The following LIPC variants were observed in gnomAD, a reference collection of about 807,000 sequenced individuals.
The protein encoded by LIPC is hepatic triacylglycerol lipase.
LIPC carries 44 observed loss-of-function variants against 50.7 expected under a neutral mutation model. That is an observed-to-expected ratio of 0.87 (90% CI 0.68 to 1.11). The LOEUF is 1.11. LIPC is among the 50% of genes most tolerant of loss of function. The pLI is 0.00. For synonymous variants in LIPC, 271 were observed against 256.4 expected (o/e 1.06, Z -0.54); for missense variants, 697 against 648.2 (o/e 1.08, Z -0.82).
Position 58,548,540 on chromosome 15 carries a change from T to A in LIPC, c.1019T>A (p.Phe340Tyr), listed in dbSNP as rs147595392. The A allele has an allele frequency of 6.9e-6, 11 of 1,596,222 alleles. No homozygotes were observed. Among genetic ancestry groups the A allele is most frequent in the Non-Finnish European group, 9.4e-6 (11 of 1,171,494 alleles). The change falls in exon 6 of 9, where the codon TTC becomes TAC. Residue 340 changes from phenylalanine to tyrosine, a missense_variant. Phe to Tyr is a conservative substitution (Grantham distance 22, BLOSUM62 3). Coordinates refer to ENST00000299022, the MANE Select transcript of LIPC (RefSeq NM_000236.3). Reference sequence around the variant, plus strand: ...CCGCGGAGCAAGAGCAAGAGGCTCTTCCTCGTAACGCGAGCCCAGTCCCCC... The same window carrying A: ...CCGCGGAGCAAGAGCAAGAGGCTCTACCTCGTAACGCGAGCCCAGTCCCCC... ...QEPRSKSKRL[F>Y]LVTRAQSPFK...
At chr15:58,471,479 T>C (rs17190580) in intron 1 of LIPC, among the ~76,000 whole-genome samples, 17,291 of 152,158 alleles carry the variant, frequency 0.11, 1,204 homozygotes, top group Non-Finnish European at 0.17. Context: ...GTGAGGATTC[T>C]ATTCCATCAG....
At chr15:58,506,166 C>G (rs1244251053) in intron 1 of LIPC, among the ~76,000 whole-genome samples, 2 of 152,198 alleles carry the variant, frequency 1.3e-5, no homozygotes, top group Admixed American at 6.5e-5. Flanking sequence ...GGGCTCCTTT[C>G]CCAGTACCGT....
At chr15:58,470,904 A>T (rs1894769384) in intron 1 of LIPC, among the ~76,000 whole-genome samples, 1 of 151,996 alleles carries the variant, frequency 6.6e-6, no homozygotes, top group Non-Finnish European at 1.5e-5. Flanking sequence ...ATAGAGGAAG[A>T]CTCGTCCTTT....
At chr15:58,546,348 C>T (rs564987142) in intron 5 of LIPC, among the ~76,000 whole-genome samples, 1 of 152,300 alleles carries the variant, frequency 6.6e-6, no homozygotes, top group South Asian at 2.1e-4. Context: ...TTCCTCGTTC[C>T]AGGGACCGCC....
intron 1 of LIPC, among the ~76,000 whole-genome samples, chr15:58,508,612 G>C (rs1445308370): frequency 1.3e-5 from 2 of 152,198 alleles, no homozygotes; most frequent in African/African-American, 4.8e-5. Context: ...ACATTTGGAT[G>C]TATCAACTTT....
chr15:58,515,314 C>T (rs762352923), intron 1 of LIPC, among the ~76,000 whole-genome samples: 4 of 152,138 alleles, frequency 2.6e-5, no homozygotes, highest in Non-Finnish European at 5.9e-5. Context: ...CTACCATAAA[C>T]TGGATCCTGT....
intron 1 of LIPC, among the ~76,000 whole-genome samples, chr15:58,508,248 T>G (rs1892221213): frequency 6.7e-6 from 1 of 148,976 alleles, no homozygotes; most frequent in African/African-American, 2.5e-5. Flanking sequence ...GGGTGGGGGG[T>G]AGGGAGTGAA....
At chr15:58,566,339 T>A in intron 8 of LIPC, 1 of 985,446 alleles carries the variant, frequency 1.0e-6, no homozygotes, top group Non-Finnish European at 1.2e-6. Flanking sequence ...TGGACTCCAG[T>A]GTCAGCCAGT....
At chr15:58,452,525 T>C (rs1893939065) in intron 1 of LIPC, among the ~76,000 whole-genome samples, 1 of 152,266 alleles carries the variant, frequency 6.6e-6, no homozygotes. Flanking sequence ...TATAGCATCC[T>C]GGGCAGATTC....
intron 1 of LIPC, among the ~76,000 whole-genome samples, chr15:58,507,063 C>T (rs1818126677): frequency 6.6e-6 from 1 of 152,134 alleles, no homozygotes; most frequent in Non-Finnish European, 1.5e-5. Context: ...GGGGAAACCA[C>T]TCCCATGATT....
At chr15:58,565,062 G>A (rs374767345) in intron 8 of LIPC, 2 of 810,264 alleles carry the variant, frequency 2.5e-6, no homozygotes, top group African/African-American at 1.7e-5. Context: ...CCAGATGCCG[G>A]CCTGTGGCAG....
chr15:58,495,334 T>C (rs1286573787), intron 1 of LIPC, among the ~76,000 whole-genome samples: 1 of 152,208 alleles, frequency 6.6e-6, no homozygotes, highest in Non-Finnish European at 1.5e-5. Context: ...GCCCTGCAGC[T>C]CCCTGCCAAA....
At chr15:58,455,407 AG>A (rs1225621362) in intron 1 of LIPC, among the ~76,000 whole-genome samples, 2 of 152,206 alleles carry the variant, frequency 1.3e-5, no homozygotes, top group African/African-American at 4.8e-5. Flanking sequence ...ATGGATTGCT[AG>A]CCCCTCATCT....
At chr15:58,469,873 G>A (rs1894723492) in intron 1 of LIPC, among the ~76,000 whole-genome samples, 1 of 152,024 alleles carries the variant, frequency 6.6e-6, no homozygotes, top group African/African-American at 2.4e-5. Context: ...GGAGCTGATG[G>A]GCACGTCACA....
chr15:58,448,002 G>C (rs958880768), intron 1 of LIPC, among the ~76,000 whole-genome samples: 9 of 152,196 alleles, frequency 5.9e-5, no homozygotes, highest in African/African-American at 2.2e-4. Flanking sequence ...TTTTGCTTAA[G>C]TGGGACCTAA....
intron 1 of LIPC, among the ~76,000 whole-genome samples, chr15:58,444,246 T>C (rs1566908608): frequency 6.6e-6 from 1 of 152,148 alleles, no homozygotes; most frequent in Non-Finnish European, 1.5e-5. Flanking sequence ...GGGAAGGTGT[T>C]AAAGCAGGAA....
chr15:58,475,012 T>A (rs539809143), intron 1 of LIPC, among the ~76,000 whole-genome samples: 13 of 152,326 alleles, frequency 8.5e-5, no homozygotes, highest in African/African-American at 2.9e-4. Flanking sequence ...AGTTCTCAAA[T>A]GCCACCTGTG....
intron 1 of LIPC, among the ~76,000 whole-genome samples, chr15:58,460,706 C>G (rs1194405238): frequency 1.3e-5 from 2 of 152,194 alleles, no homozygotes; most frequent in Non-Finnish European, 2.9e-5. Context: ...CCATTTCCTA[C>G]TCGCCATGAT....
intron 1 of LIPC, among the ~76,000 whole-genome samples, chr15:58,502,222 A>G (rs1892007184): frequency 6.6e-6 from 1 of 152,008 alleles, no homozygotes; most frequent in African/African-American, 2.4e-5. Context: ...ATGCCCCCTC[A>G]CCAATTCATC....
Sources: gnomAD v4.1 joint callset for allele counts (sites outside exome capture counted in the v4.1 genomes callset) on GRCh38, gnomAD v4.1.1 for gene constraint, MANE v1.5 for transcripts, NCBI Gene and HGNC (gene_info 2026-07-23, HGNC 2026-07-21) for gene names.